CRIPTO: variants seen among roughly 807,000 people sequenced by gnomAD.
CRIPTO encodes the protein protein Cripto.
the CRIPTO span, chr3:46,578,057 T>G: frequency 6.3e-7 from 1 of 1,586,526 alleles, no homozygotes; most frequent in African/African-American, 1.3e-5. Context: ...GATTGCCAGC[T>G]TAGGAAGTAA....
At chr3:46,579,257 T>A in the CRIPTO span, 1 of 1,614,148 alleles carries the variant, frequency 6.2e-7, no homozygotes, top group East Asian at 2.2e-5. Context: ...AATTTGCTCG[T>A]CCATCTCGGG....
chr3:46,579,036 A>G, the CRIPTO span: 18 of 1,591,966 alleles, frequency 1.1e-5, no homozygotes, highest in South Asian at 1.9e-4. Context: ...CCTGGGTGTT[A>G]ACTTGTAAGG....
the CRIPTO span, chr3:46,579,730 A>C: frequency 6.2e-7 from 1 of 1,612,448 alleles, no homozygotes; most frequent in South Asian, 1.1e-5. Flanking sequence ...ATCTGTTCTT[A>C]CCTTTCAGGT....
At chr3:46,576,733 T>C in the CRIPTO span, among the ~76,000 whole-genome samples, 3 of 152,216 alleles carry the variant, frequency 2.0e-5, no homozygotes, top group African/African-American at 7.2e-5. Context: ...AAATTGGAAT[T>C]AAATGCGATT....
the CRIPTO span, chr3:46,579,272 C>T: frequency 3.7e-6 from 6 of 1,614,096 alleles, no homozygotes; most frequent in East Asian, 2.2e-5. Context: ...CTCGGGGATA[C>T]CTGGCCTTCA....
At chr3:46,579,157 C>A in the CRIPTO span, 222 of 1,613,974 alleles carry the variant, frequency 1.4e-4, no homozygotes, top group Non-Finnish European at 1.7e-4. Flanking sequence ...GGTGAGAGAC[C>A]TTTTGTTCTT....
At chr3:46,579,118 C>G in the CRIPTO span, 1 of 1,614,164 alleles carries the variant, frequency 6.2e-7, no homozygotes, top group Non-Finnish European at 8.5e-7. Context: ...ATGGCCATTT[C>G]TAAAGTCTTT....
At chr3:46,578,577 C>T in the CRIPTO span, among the ~76,000 whole-genome samples, 1 of 152,002 alleles carries the variant, frequency 6.6e-6, no homozygotes. Context: ...AGCATGGTGG[C>T]GGGCACCTGT....
chr3:46,579,488 T>C, the CRIPTO span: 1 of 1,544,736 alleles, frequency 6.5e-7, no homozygotes, highest in African/African-American at 1.4e-5. Context: ...GCTGGACTGC[T>C]TTTGGTTTTG....
chr3:46,579,311 G>A, the CRIPTO span: 65,026 of 1,614,116 alleles, frequency 0.04, 2,509 homozygotes, highest in East Asian at 0.16. Context: ...CCCAGGAGGA[G>A]CCTGCAATTC....
the CRIPTO span, chr3:46,579,247 A>T: frequency 6.2e-7 from 1 of 1,614,132 alleles, no homozygotes; most frequent in Non-Finnish European, 8.5e-7. Flanking sequence ...GGCCATCAGG[A>T]ATTTGCTCGT....
chr3:46,580,036 C>A, the CRIPTO span: 1 of 1,614,156 alleles, frequency 6.2e-7, no homozygotes, highest in Non-Finnish European at 8.5e-7. Context: ...CCGCTGCTTT[C>A]CTCAGGCATT....
chr3:46,577,011 T>C, the CRIPTO span, among the ~76,000 whole-genome samples: 38,086 of 151,958 alleles, frequency 0.25, 5,793 homozygotes, highest in Non-Finnish European at 0.33. Flanking sequence ...ATTCCCGTGA[T>C]TGGGGGCTGA....
At chr3:46,578,088 A>AT in the CRIPTO span, 6 of 1,469,416 alleles carry the variant, frequency 4.1e-6, no homozygotes, top group Non-Finnish European at 5.7e-6. Flanking sequence ...CTGTCATTTG[A>AT]TTTTTCTCTT....
the CRIPTO span, chr3:46,582,160 C>T: frequency 1.3e-5 from 2 of 152,108 alleles, no homozygotes; most frequent in Admixed American, 6.5e-5. Flanking sequence ...AATGGAAGGG[C>T]AAGTTTCCAT....
chr3:46,576,480 CAAAAAAAAAAAA>C, the CRIPTO span, among the ~76,000 whole-genome samples: 56 of 55,046 alleles, frequency 1.0e-3, 1 homozygote, highest in South Asian at 0.023. Flanking sequence ...GACTCTGTCG[CAAAAAAAAAAAA>C]AAAAAAAAAA....
At chr3:46,580,341 C>A in the CRIPTO span, among the ~76,000 whole-genome samples, 1 of 152,152 alleles carries the variant, frequency 6.6e-6, no homozygotes, top group African/African-American at 2.4e-5. Context: ...GGAAAATAAA[C>A]AAGTCTCGGT....
the CRIPTO span, chr3:46,579,638 C>G: frequency 7.5e-7 from 1 of 1,333,886 alleles, no homozygotes; most frequent in African/African-American, 1.4e-5. Context: ...CAGAGACTTA[C>G]TCTGATACAA....
chr3:46,578,121 C>T, the CRIPTO span: 7 of 1,089,534 alleles, frequency 6.4e-6, no homozygotes, highest in African/African-American at 1.1e-4. Context: ...AAAGAGCTGC[C>T]AACCGCACTG....
Sources: gnomAD v4.1 joint callset for allele counts (sites outside exome capture counted in the v4.1 genomes callset) on GRCh38, gnomAD v4.1.1 for gene constraint, MANE v1.5 for transcripts, NCBI Gene and HGNC (gene_info 2026-07-23, HGNC 2026-07-21) for gene names.